Variants in PDZRN4 observed in about 807,000 individuals in gnomAD.
PDZRN4 encodes PDZ domain-containing RING finger protein 4.
In PDZRN4, 70 loss-of-function variants were observed where a neutral mutation model predicts 99.0. That is an observed-to-expected ratio of 0.71 (90% CI 0.58 to 0.86). The LOEUF is 0.86. Among genes scored for constraint, PDZRN4 ranks in the 40% least tolerant of loss-of-function variants. PDZRN4 has a pLI of 0.00. For synonymous variants in PDZRN4, 551 were observed against 501.6 expected, an observed-to-expected ratio of 1.10 and a Z score of -1.32; for missense variants, 1,474 against 1,331.2, an observed-to-expected ratio of 1.11 and a Z score of -1.67.
chr12:41,555,478 C>T (rs1272185358), intron 6 of PDZRN4, among the ~76,000 whole-genome samples: 1 of 151,724 alleles, frequency 6.6e-6, no homozygotes, highest in Non-Finnish European at 1.5e-5. Context: ...AGATTAAGTT[C>T]TGCTCTAGTC....
At chr12:41,235,067 G>A (rs1951057000) in intron 3 of PDZRN4, among the ~76,000 whole-genome samples, 1 of 152,072 alleles carries the variant, frequency 6.6e-6, no homozygotes, top group Non-Finnish European at 1.5e-5. Context: ...ACCTTTCAGA[G>A]CATTGAAATA....
intron 3 of PDZRN4, among the ~76,000 whole-genome samples, chr12:41,208,198 A>AT (rs763819948): frequency 3.3e-5 from 5 of 151,934 alleles, no homozygotes; most frequent in Non-Finnish European, 7.4e-5. Context: ...TCTATTGGAA[A>AT]TATCTGACGT....
At chr12:41,328,365 T>TA (rs1383618620) in intron 3 of PDZRN4, among the ~76,000 whole-genome samples, 1 of 151,830 alleles carries the variant, frequency 6.6e-6, no homozygotes, top group Non-Finnish European at 1.5e-5. Flanking sequence ...CTACAAATAA[T>TA]AAAAAATAAA....
At chr12:41,469,189 T>C (rs1167271884) in intron 3 of PDZRN4, among the ~76,000 whole-genome samples, 1 of 152,202 alleles carries the variant, frequency 6.6e-6, no homozygotes, top group Non-Finnish European at 1.5e-5. Context: ...TTTTCTAAGT[T>C]TGTAAGTGAC....
At chr12:41,467,030 T>C (rs1952933337) in intron 3 of PDZRN4, among the ~76,000 whole-genome samples, 1 of 152,250 alleles carries the variant, frequency 6.6e-6, no homozygotes, top group Non-Finnish European at 1.5e-5. Flanking sequence ...GGTTTGGGAA[T>C]GGAATGATAA....
chr12:41,334,949 G>A (rs912507189), intron 3 of PDZRN4, among the ~76,000 whole-genome samples: 4 of 151,786 alleles, frequency 2.6e-5, no homozygotes, highest in Non-Finnish European at 4.4e-5. Flanking sequence ...TCTTTTCTTT[G>A]AAAAGCAGCA....
At chr12:41,564,502 T>TA (rs1565616734) in intron 8 of PDZRN4, among the ~76,000 whole-genome samples, 1 of 152,226 alleles carries the variant, frequency 6.6e-6, no homozygotes, top group East Asian at 1.9e-4. Context: ...CGGTTATTGA[T>TA]ATGATATTTT....
chr12:41,188,582 T>C lies in PDZRN4; in HGVS notation c.127T>C (p.Leu43=), dbSNP rs1566343380. 1 of 1,544,740 alleles carries C rather than the reference T, an allele frequency of 6.5e-7. No homozygotes were observed. The highest frequency in any genetic ancestry group is 1.7e-4 in the Middle Eastern group (1 of 5,830). The part of the protein sequence containing the change: ...CGHVFCASCL[L]PWAVRRRRCP... The stretch of plus-strand genomic sequence containing the variant: ...GCACGTCTTCTGCGCCAGCTGCCTG[T>C]TGCCCTGGGCGGTGCGGAGGCGCCG... Residue 43 remains leucine (L), a synonymous_variant, in exon 1 of 10, where the codon TTG becomes CTG. Coordinates refer to ENST00000402685, the MANE Select transcript of PDZRN4 (RefSeq NM_001164595.2).
chr12:41,207,348 T>A (rs942665521), intron 3 of PDZRN4, among the ~76,000 whole-genome samples: 1 of 151,844 alleles, frequency 6.6e-6, no homozygotes, highest in East Asian at 1.9e-4. Flanking sequence ...AATTTTAGAG[T>A]TGAAAAAATT....
intron 3 of PDZRN4, among the ~76,000 whole-genome samples, chr12:41,310,492 G>A (rs573980180): frequency 8.8e-4 from 133 of 151,868 alleles, no homozygotes; most frequent in Non-Finnish European, 1.6e-3. Context: ...CCACACTTGC[G>A]AAGAGGATTT....
intron 5 of PDZRN4, among the ~76,000 whole-genome samples, chr12:41,514,213 G>A (rs941798112): frequency 2.0e-5 from 3 of 152,026 alleles, no homozygotes; most frequent in Non-Finnish European, 2.9e-5. Context: ...AAATAGGAGT[G>A]AGCACTTAGC....
At chr12:41,457,493 G>T (rs1235789242) in intron 3 of PDZRN4, among the ~76,000 whole-genome samples, 1 of 151,978 alleles carries the variant, frequency 6.6e-6, no homozygotes, top group African/African-American at 2.4e-5. Flanking sequence ...AAATTTTTTT[G>T]AAGCTTCATA....
intron 3 of PDZRN4, among the ~76,000 whole-genome samples, chr12:41,235,913 A>G (rs1026646578): frequency 2.0e-5 from 3 of 152,142 alleles, no homozygotes; most frequent in Non-Finnish European, 4.4e-5. Flanking sequence ...ATTTTTTTTC[A>G]TTGTTGAACT....
At chr12:41,269,507 G>T (rs1174316256) in intron 3 of PDZRN4, among the ~76,000 whole-genome samples, 1 of 152,114 alleles carries the variant, frequency 6.6e-6, no homozygotes, top group Non-Finnish European at 1.5e-5. Context: ...AAAAAAGGGA[G>T]AGAAAACAAC....
intron 3 of PDZRN4, among the ~76,000 whole-genome samples, chr12:41,427,112 G>T (rs1205747225): frequency 6.6e-6 from 1 of 152,164 alleles, no homozygotes; most frequent in Non-Finnish European, 1.5e-5. Context: ...TAACCATATG[G>T]CTGTTTTCTG....
intron 3 of PDZRN4, among the ~76,000 whole-genome samples, chr12:41,323,567 A>C (rs2120978261): frequency 6.6e-6 from 1 of 152,148 alleles, no homozygotes; most frequent in Admixed American, 6.5e-5. Context: ...AAAAGCAAAA[A>C]ATAATCATAA....
At chr12:41,402,142 C>CACACACTGAGTATATATATATAT (rs1952295576) in intron 3 of PDZRN4, among the ~76,000 whole-genome samples, 1 of 5,262 alleles carries the variant, frequency 1.9e-4, no homozygotes, top group African/African-American at 8.4e-4. Context: ...TATATATATA[C>CACACACTGAGTATATATATATAT]ACACACTGAG....
intron 3 of PDZRN4, among the ~76,000 whole-genome samples, chr12:41,499,758 T>A (rs1348345634): frequency 6.6e-6 from 1 of 152,066 alleles, no homozygotes; most frequent in African/African-American, 2.4e-5. Context: ...GAGTCCTGCT[T>A]GCATTTGAGA....
In PDZRN4 at chr12:41,529,135, T is replaced by C. The variant is rs1938618733; in HGVS notation, c.1203+19222T>C. ...GAAAGTGACTTCCTGGGGTGCTGGA[T>C]ACCAGTGGCATCGCCAAGCTGAAAA... is the stretch of plus-strand genomic sequence containing the variant. On this transcript the variant is annotated intron_variant, in intron 5 of 9. Coordinates refer to ENST00000402685, the MANE Select transcript of PDZRN4 (RefSeq NM_001164595.2). 2.0e-5 allele frequency among the ~76,000 whole-genome samples: 3 copies of C among 152,290 alleles called. No homozygotes were observed. The South Asian group carries it at 6.2e-4, about 32-fold the overall frequency.
Sources: gnomAD v4.1 joint callset for allele counts (sites outside exome capture counted in the v4.1 genomes callset) on GRCh38, gnomAD v4.1.1 for gene constraint, MANE v1.5 for transcripts, NCBI Gene and HGNC (gene_info 2026-07-23, HGNC 2026-07-21) for gene names.